Variants in EML2 observed in about 807,000 individuals in gnomAD.
EML2 encodes echinoderm microtubule-associated protein-like 2.
In EML2, 59 loss-of-function variants were observed where a neutral mutation model predicts 84.7. That is an observed-to-expected ratio of 0.70 (90% CI 0.56 to 0.86). The LOEUF is 0.86. Among genes scored for constraint, EML2 ranks in the 40% least tolerant of loss-of-function variants. The pLI is 0.00. For synonymous variants in EML2, 352 were observed against 348.9 expected (o/e 1.01, Z -0.10); for missense variants, 818 against 855.6 (o/e 0.96, Z 0.55).
intron 18 of EML2, 47 bp downstream of exon 18, chr19:45,613,494 C>A: frequency 6.2e-7 from 1 of 1,602,894 alleles, no homozygotes; most frequent in Non-Finnish European, 8.5e-7. Flanking sequence ...TTTGTCCCCA[C>A]CCCTGCTTGC....
rs370545238 is a variant in EML2 at position 45,616,507 on chromosome 19, G to T, written c.1463C>A (p.Thr488Lys). Reference sequence around the variant, plus strand: ...GACCTTGCGGCCGCCCTGGTCCACCGTGTACACGTACACCAAGTTGTCGTG... The same window carrying T: ...GACCTTGCGGCCGCCCTGGTCCACCTTGTACACGTACACCAAGTTGTCGTG... ...GSHDNLVYVY[T>K]VDQGGRKVSR... The change falls in exon 15 of 19, where the codon ACG becomes AAG. Residue 488 changes from threonine (T) to lysine (K), a missense_variant. Physicochemically the swap from Thr to Lys is moderately conservative, Grantham distance 78. Transcript: ENST00000245925. The T allele has an allele frequency of 1.1e-5, 18 of 1,609,410 alleles. No homozygotes were observed. The highest frequency in any genetic ancestry group is 1.4e-5 in the Non-Finnish European group (17 of 1,176,852).
upstream of EML2, chr19:45,641,653 G>A: frequency 6.5e-7 from 1 of 1,535,916 alleles, no homozygotes; most frequent in Non-Finnish European, 8.7e-7. Context: ...TTCCTTTTTG[G>A]CGCTACAGTT....
upstream of EML2, chr19:45,643,809 C>T (rs1398460414): frequency 6.9e-7 from 1 of 1,443,596 alleles, no homozygotes; most frequent in Non-Finnish European, 9.1e-7. Flanking sequence ...CTCAGCGCCT[C>T]CCAGGTCCGG....
In EML2 at chr19:45,616,555, C is replaced by T. The variant is rs373983729; in HGVS notation, c.1415G>A (p.Gly472Glu). Reference protein sequence around the residue: ...QISVVSFSPDGAYLAVGSHDN... With the variant: ...QISVVSFSPDEAYLAVGSHDN... ...GTGGGAGCCCACGGCCAGGTACGCC[C>T]CGTCTGGGGGAGGGGGAGGGGGGCT... The change falls in exon 15 of 19, where the codon GGG becomes GAG. Residue 472 changes from glycine (G) to glutamate (E), a missense_variant. Physicochemically the swap from Gly to Glu is moderately conservative, Grantham distance 98. Transcript: ENST00000245925. 3 of 1,609,928 alleles carry T rather than the reference C, an allele frequency of 1.9e-6. No individual in the cohort carries two copies. The African/African-American group carries it at 4.0e-5, about 22-fold the overall frequency.
Position 45,621,545 on chromosome 19 carries a change from C to A in EML2, c.934G>T (p.Gly312Trp). The change falls in exon 10 of 19, where the codon GGG (glycine) becomes TGG (tryptophan). Residue 312 changes from glycine (G) to tryptophan (W), a missense_variant. Gly to Trp is a radical substitution (Grantham distance 184). Transcript: ENST00000245925. ...AGGACCACCCGCCGATCACGGCCCCCTCCAGACACCAGCGTCCCGTCCCGC... is the reference window on the plus strand; with the variant it reads ...AGGACCACCCGCCGATCACGGCCCCATCCAGACACCAGCGTCCCGTCCCGC... ...ALRDGTLVSG[G>W]GRDRRVVLWG... is the part of the protein sequence containing the mutation. The A allele has an allele frequency of 6.2e-7, 1 of 1,613,086 alleles. No individual in the cohort carries two copies. The highest frequency in any genetic ancestry group is 8.5e-7 in the Non-Finnish European group (1 of 1,179,990).
chr19:45,620,929 A>C (rs1241244150), intron 11 of EML2: 1 of 535,442 alleles, frequency 1.9e-6, no homozygotes, highest in East Asian at 4.3e-5. Context: ...CTGTGGGACA[A>C]CCTGTAGGGA....
rs372565896 is a variant in EML2 at position 45,613,623 on chromosome 19, C to T, written c.1742G>A (p.Arg581His). The change falls in exon 18 of 19, where the codon CGC becomes CAC. Residue 581 changes from arginine (R) to histidine (H), a missense_variant. By Grantham distance (29) the Arg-to-His change is conservative (BLOSUM62 0). Coordinates refer to ENST00000245925, the MANE Select transcript of EML2 (RefSeq NM_012155.4). Reference sequence around the variant, plus strand: ...AGCCAGCAACTTCCCATCATGAGAGCGGGCCACAGCGTTGATATCAGTGCC... The same window carrying T: ...AGCCAGCAACTTCCCATCATGAGAGTGGGCCACAGCGTTGATATCAGTGCC... ...ADGTDINAVA[R>H]SHDGKLLASA... is the part of the protein sequence containing the mutation. 82 of 1,613,958 alleles carry T rather than the reference C, an allele frequency of 5.1e-5. No individual in the cohort carries two copies. The highest frequency in any genetic ancestry group is 6.3e-5 in the Non-Finnish European group (74 of 1,180,014).
chr19:45,621,281 T>C lies in EML2; in HGVS notation c.1048A>G (p.Thr350Ala). The change falls in exon 11 of 19, where the codon ACA becomes GCA. Residue 350 changes from threonine to alanine, a missense_variant. By Grantham distance (58) the Thr-to-Ala change is moderately conservative (BLOSUM62 0). Transcript: ENST00000245925. Reference protein sequence around the residue: ...VRTVAEGHGDTLYVGTTRNSI... With the variant: ...VRTVAEGHGDALYVGTTRNSI... ...TTGCGGGTGGTCCCCACGTACAGTG[T>C]GTCTCCGTGGCCCTCTGCCACGGTG... The C allele has an allele frequency of 6.2e-7, 1 of 1,613,540 alleles. No individual in the cohort carries two copies. Among genetic ancestry groups the C allele is most frequent in the Non-Finnish European group, 8.5e-7 (1 of 1,179,672 alleles).
intron 3 of EML2, 152 bp from the exon 4 acceptor site, chr19:45,634,623 G>C (rs1314483344): frequency 2.6e-6 from 1 of 386,236 alleles, no homozygotes; most frequent in African/African-American, 2.2e-5. Flanking sequence ...GTGCAGTGGC[G>C]TGATCTCAGC....
At chr19:45,614,887 G>A (rs1470574540) in intron 16 of EML2, 187 bp from the exon 17 acceptor site, 8 of 546,016 alleles carry the variant, frequency 1.5e-5, no homozygotes, top group Admixed American at 6.2e-5. Flanking sequence ...AGCGTAAGCA[G>A]GAGCATCTAC....
At chr19:45,615,715 T>A in intron 16 of EML2, 87 bp downstream of exon 16, 1 of 1,181,440 alleles carries the variant, frequency 8.5e-7, no homozygotes, top group Non-Finnish European at 1.3e-6. Context: ...GGAGCGAGGC[T>A]TGAAGCCCCT....
intron 3 of EML2, among the ~76,000 whole-genome samples, chr19:45,637,780 G>A (rs541278211): frequency 8.9e-5 from 13 of 145,950 alleles, no homozygotes; most frequent in Non-Finnish European, 1.2e-4. Flanking sequence ...GGGTTCAAGC[G>A]ATTCTCCTGT....
intron 3 of EML2, among the ~76,000 whole-genome samples, chr19:45,636,296 T>G (rs1443250364): frequency 1.3e-5 from 2 of 152,140 alleles, no homozygotes; most frequent in East Asian, 3.8e-4. Flanking sequence ...TAAAAAGAAA[T>G]TTTCTGTAGA....
chr19:45,645,368 C>A (rs1186507334), upstream of EML2: 15 of 1,525,034 alleles, frequency 9.8e-6, no homozygotes, highest in Non-Finnish European at 1.3e-5. Context: ...GCCGGCCCCC[C>A]CGGTCCCAGC....
At chr19:45,617,224 C>T (rs985870132) in intron 13 of EML2, among the ~76,000 whole-genome samples, 1 of 150,128 alleles carries the variant, frequency 6.7e-6, no homozygotes, top group African/African-American at 2.5e-5. Flanking sequence ...CCAGTCTGGG[C>T]GACAGAGCAA....
At chr19:45,615,981 A>G in intron 15 of EML2, 92 bp from the exon 16 acceptor site, 12 of 944,642 alleles carry the variant, frequency 1.3e-5, no homozygotes, top group Non-Finnish European at 2.0e-5. Flanking sequence ...GAAGTCAAAT[A>G]CAGAGGTAGG....
chr19:45,633,794 G>C (rs1263268637), intron 4 of EML2, among the ~76,000 whole-genome samples: 4 of 152,180 alleles, frequency 2.6e-5, no homozygotes, highest in Admixed American at 2.0e-4. Context: ...CCCCAGGCTA[G>C]AGTGCAGTGG....
chr19:45,626,801 G>T lies in EML2; in HGVS notation c.645C>A (p.Pro215=). The change falls in exon 8 of 19, where the codon CCC becomes CCA. Residue 215 remains proline (P), a synonymous_variant. Transcript: ENST00000245925. The part of the protein sequence containing the change: ...NEAVLVATFH[P]TDPTVLITCG... ...AGGTGATAAGCACAGTGGGGTCCGTGGGGTGGAAGGTGGCCACCAATACAG... is the reference window on the plus strand; with the variant it reads ...AGGTGATAAGCACAGTGGGGTCCGTTGGGTGGAAGGTGGCCACCAATACAG... 3 of 1,613,770 alleles carry T rather than the reference G, an allele frequency of 1.9e-6. No homozygotes were observed. Among genetic ancestry groups the T allele is most frequent in the Non-Finnish European group, 2.5e-6 (3 of 1,179,894 alleles).
At chr19:45,620,714 GA>G (rs766591894) in intron 11 of EML2, 7,667 of 107,042 alleles carry the variant, frequency 0.072, 77 homozygotes, top group South Asian at 0.11. Context: ...TCTCAAAAAT[GA>G]AAAAAAAAAA....
Sources: gnomAD v4.1 joint callset for allele counts (sites outside exome capture counted in the v4.1 genomes callset) on GRCh38, gnomAD v4.1.1 for gene constraint, MANE v1.5 for transcripts, NCBI Gene and HGNC (gene_info 2026-07-23, HGNC 2026-07-21) for gene names.